The following SAMD12 variants were observed in gnomAD, a reference collection of about 807,000 sequenced individuals.
The protein encoded by SAMD12 is sterile alpha motif domain-containing protein 12.
In SAMD12, 9 loss-of-function variants were observed where a neutral mutation model predicts 15.0. The ratio of observed to expected loss-of-function variants is 0.60; its 90% CI spans 0.36 to 1.05. The LOEUF (loss-of-function observed/expected upper bound fraction) is 1.05. SAMD12 is among the 50% of genes least tolerant of loss of function. SAMD12 has a pLI of 0.01. For synonymous variants in SAMD12, 86 were observed against 90.1 expected (o/e 0.96, Z 0.25); for missense variants, 230 against 234.2 (o/e 0.98, Z 0.12).
At chr8:118,470,987 T>C (rs989985899) in intron 2 of SAMD12, among the ~76,000 whole-genome samples, 1 of 152,250 alleles carries the variant, frequency 6.6e-6, no homozygotes, top group African/African-American at 2.4e-5. Flanking sequence ...TGCCTGATTT[T>C]GAAAATGTGA....
intron 2 of SAMD12, among the ~76,000 whole-genome samples, chr8:118,576,134 G>C (rs776176052): frequency 3.3e-5 from 5 of 152,082 alleles, no homozygotes; most frequent in Admixed American, 6.6e-5. Flanking sequence ...CAGCAGCACT[G>C]TCTAATAGGA....
chr8:118,535,139 T>C (rs1316195740), intron 2 of SAMD12, among the ~76,000 whole-genome samples: 1 of 152,244 alleles, frequency 6.6e-6, no homozygotes, highest in African/African-American at 2.4e-5. Flanking sequence ...GTGGATGTCC[T>C]TTCTGTTTGT....
At chr8:118,285,198 T>C (rs574732673) in intron 4 of SAMD12, among the ~76,000 whole-genome samples, 2 of 152,114 alleles carry the variant, frequency 1.3e-5, no homozygotes, top group African/African-American at 4.8e-5. Flanking sequence ...ATTACATGGG[T>C]GGAATTCTGG....
At chr8:118,228,600 C>T (rs1272108828) in intron 4 of SAMD12, among the ~76,000 whole-genome samples, 1 of 150,176 alleles carries the variant, frequency 6.7e-6, no homozygotes, top group Non-Finnish European at 1.5e-5. Flanking sequence ...CCACCTTACT[C>T]TTGCAAGAAT....
chr8:118,557,147 G>C (rs570560714), intron 2 of SAMD12, among the ~76,000 whole-genome samples: 26 of 152,218 alleles, frequency 1.7e-4, no homozygotes, highest in Middle Eastern at 6.8e-3. Context: ...GGGAAGGACC[G>C]GGTGGGAGGT....
At chr8:118,264,610 T>C (rs1376986972) in intron 4 of SAMD12, among the ~76,000 whole-genome samples, 1 of 151,976 alleles carries the variant, frequency 6.6e-6, no homozygotes, top group Non-Finnish European at 1.5e-5. Flanking sequence ...GAACATGAAG[T>C]AAATGTGCTA....
intron 2 of SAMD12, among the ~76,000 whole-genome samples, chr8:118,459,520 T>C (rs535295896): frequency 3.5e-4 from 54 of 152,240 alleles, no homozygotes; most frequent in African/African-American, 1.2e-3. Flanking sequence ...GACAGAAGGG[T>C]AGCATTAAAA....
chr8:118,382,191 T>C (rs1252618503), intron 3 of SAMD12, among the ~76,000 whole-genome samples: 1 of 152,164 alleles, frequency 6.6e-6, no homozygotes, highest in East Asian at 1.9e-4. Flanking sequence ...ATGATCTTAA[T>C]CCCTCCCAAC....
chr8:118,148,910 C>T, the SAMD12 span, among the ~76,000 whole-genome samples: 1 of 152,308 alleles, frequency 6.6e-6, no homozygotes, highest in African/African-American at 2.4e-5. Flanking sequence ...GGTTATACGG[C>T]ATTTTGCTTA....
chr8:118,578,448 C>A (rs1463206968), intron 2 of SAMD12, among the ~76,000 whole-genome samples: 2 of 152,110 alleles, frequency 1.3e-5, no homozygotes, highest in African/African-American at 2.4e-5. Context: ...AAAAGCTGTA[C>A]CAATTTACAT....
At chr8:118,182,834 C>T in the SAMD12 span, among the ~76,000 whole-genome samples, 9 of 152,144 alleles carry the variant, frequency 5.9e-5, no homozygotes, top group Admixed American at 4.6e-4. Context: ...GATGTTGGAA[C>T]GGTGTTTGAA....
At chr8:118,462,825 G>T (rs1465502463) in intron 2 of SAMD12, among the ~76,000 whole-genome samples, 1 of 152,108 alleles carries the variant, frequency 6.6e-6, no homozygotes, top group Non-Finnish European at 1.5e-5. Context: ...AAAGTGGGCC[G>T]GGCGCGGTGG....
At chr8:118,184,907 T>C (rs866779236), downstream of SAMD12, among the ~76,000 whole-genome samples, 1,231 of 144,994 alleles carry the variant, frequency 8.5e-3, 19 homozygotes, top group African/African-American at 0.029. Flanking sequence ...TTTGTTCTTT[T>C]TTTTTTTTTT....
chr8:118,184,623 G>A (rs989855200), downstream of SAMD12, among the ~76,000 whole-genome samples: 1 of 152,166 alleles, frequency 6.6e-6, no homozygotes, highest in Non-Finnish European at 1.5e-5. Context: ...AGCCTCTGGA[G>A]TAGCTGGGAT....
intron 1 of SAMD12, among the ~76,000 whole-genome samples, chr8:118,597,157 C>A (rs1364553122): frequency 6.6e-6 from 1 of 152,168 alleles, no homozygotes; most frequent in Non-Finnish European, 1.5e-5. Context: ...TAGGAGCCTA[C>A]AGGCCACAAA....
rs79783089 is a variant in SAMD12 at position 118,567,392 on chromosome 8, A to G, written c.192+13323T>C. Reference sequence around the variant, plus strand: ...TCTAGTTCTGGCCTGTTAACTAACAACCTCTAAGATGTTACTCTCACCCAG... The same window carrying G: ...TCTAGTTCTGGCCTGTTAACTAACAGCCTCTAAGATGTTACTCTCACCCAG... On this transcript the variant is annotated intron_variant, in intron 2 of 3. Coordinates refer to ENST00000314727, the MANE Select transcript of SAMD12 (RefSeq NM_207506.3). Among the ~76,000 whole-genome samples the G allele has an allele frequency of 3.6e-3, 547 of 152,254 alleles. 3 individuals are homozygous for G. The highest frequency in any genetic ancestry group is 0.013 in the African/African-American group (523 of 41,526).
chr8:118,236,135 C>T (rs1812424413), intron 4 of SAMD12, among the ~76,000 whole-genome samples: 1 of 152,176 alleles, frequency 6.6e-6, no homozygotes, highest in African/African-American at 2.4e-5. Context: ...CTTGTGACTA[C>T]TTCAGCCCTT....
chr8:118,548,903 G>A (rs554306338), intron 2 of SAMD12, among the ~76,000 whole-genome samples: 25 of 152,248 alleles, frequency 1.6e-4, no homozygotes, highest in Non-Finnish European at 2.6e-4. Context: ...AGGGTCCTAC[G>A]CCCACGGAGT....
chr8:118,616,879 C>A (rs1828252063), intron 1 of SAMD12, among the ~76,000 whole-genome samples: 1 of 152,212 alleles, frequency 6.6e-6, no homozygotes, highest in Admixed American at 6.5e-5. Flanking sequence ...AGTGCAAACC[C>A]TACTGTGAAC....
Sources: gnomAD v4.1 joint callset for allele counts (sites outside exome capture counted in the v4.1 genomes callset) on GRCh38, gnomAD v4.1.1 for gene constraint, MANE v1.5 for transcripts, NCBI Gene and HGNC (gene_info 2026-07-23, HGNC 2026-07-21) for gene names.